The following CSMD2 variants were observed in gnomAD, a reference collection of about 807,000 sequenced individuals.
The protein encoded by CSMD2 is CUB and Sushi multiple domains 2.
CSMD2 carries 130 observed loss-of-function variants against 398.5 expected under a neutral mutation model. The ratio of observed to expected loss-of-function variants is 0.33; its 90% CI spans 0.28 to 0.38. CSMD2 has a LOEUF of 0.38. Among genes scored for constraint, CSMD2 ranks in the 10% least tolerant of loss-of-function variants. The pLI is 1.00. For missense variants in CSMD2, 3,829 were observed against 4,764.9 expected, an observed-to-expected ratio of 0.80 and a Z score of 5.78; for synonymous variants, 1,828 against 1,908.5, an observed-to-expected ratio of 0.96 and a Z score of 1.10.
At chr1:33,871,479 G>T (rs1187510177) in intron 5 of CSMD2, among the ~76,000 whole-genome samples, 1 of 152,188 alleles carries the variant, frequency 6.6e-6, no homozygotes, top group Non-Finnish European at 1.5e-5. Context: ...GTAAAGAAAA[G>T]AAATTTATTT....
intron 1 of CSMD2, among the ~76,000 whole-genome samples, chr1:34,145,893 G>A (rs189565451): frequency 6.6e-6 from 1 of 152,250 alleles, no homozygotes. Context: ...CTGGGAAAGT[G>A]GACACTGAGG....
chr1:33,572,392 T>G (rs541672805), intron 50 of CSMD2, 114 bp downstream of exon 50: 2,514 of 41,288 alleles, frequency 0.061, 6 homozygotes, highest in Non-Finnish European at 0.086. Context: ...CATGTCCATG[T>G]TTTTTTTTTT....
intron 13 of CSMD2, among the ~76,000 whole-genome samples, chr1:33,751,157 A>G (rs564990601): frequency 7.7e-4 from 117 of 152,234 alleles, no homozygotes; most frequent in African/African-American, 2.6e-3. Context: ...GAAAAAACAT[A>G]TAATATTATT....
At chr1:34,127,737 C>T (rs1288572925) in intron 1 of CSMD2, among the ~76,000 whole-genome samples, 2 of 152,096 alleles carry the variant, frequency 1.3e-5, no homozygotes, top group African/African-American at 4.8e-5. Flanking sequence ...TTCGCAGTGG[C>T]AGCAGGATTC....
At chr1:33,985,815 A>G (rs923563078) in intron 3 of CSMD2, among the ~76,000 whole-genome samples, 9 of 152,072 alleles carry the variant, frequency 5.9e-5, no homozygotes, top group African/African-American at 1.9e-4. Flanking sequence ...CCTCCAGTCT[A>G]TAGAGCGGAG....
chr1:33,663,437 A>G (rs948823864), intron 25 of CSMD2, among the ~76,000 whole-genome samples: 1 of 151,934 alleles, frequency 6.6e-6, no homozygotes, highest in African/African-American at 2.4e-5. Flanking sequence ...TTACCATTCT[A>G]GGTTGGAAGG....
chr1:33,969,241 G>A (rs1645667965), intron 3 of CSMD2, among the ~76,000 whole-genome samples: 1 of 152,150 alleles, frequency 6.6e-6, no homozygotes, highest in Admixed American at 6.5e-5. Context: ...CAGTGTGAAA[G>A]GAACAATGTA....
chr1:33,550,974 C>T (rs908398928), intron 55 of CSMD2, among the ~76,000 whole-genome samples: 2 of 152,216 alleles, frequency 1.3e-5, no homozygotes, highest in Non-Finnish European at 2.9e-5. Flanking sequence ...CACAGGATCA[C>T]AGGTTGATCC....
At chr1:33,604,566 T>C (rs1232040889) in intron 42 of CSMD2, among the ~76,000 whole-genome samples, 3 of 152,230 alleles carry the variant, frequency 2.0e-5, no homozygotes, top group South Asian at 2.1e-4. Context: ...GCTGGGGCAC[T>C]CTTTCCTGGA....
intron 3 of CSMD2, among the ~76,000 whole-genome samples, chr1:34,008,661 T>A (rs1647139831): frequency 6.6e-6 from 1 of 152,220 alleles, no homozygotes; most frequent in Non-Finnish European, 1.5e-5. Flanking sequence ...CAGCTTCTAA[T>A]AAAGTTGGAG....
chr1:33,931,005 C>G (rs1337555672), intron 4 of CSMD2, among the ~76,000 whole-genome samples: 2 of 152,234 alleles, frequency 1.3e-5, no homozygotes, highest in African/African-American at 2.4e-5. Context: ...ACACGGCTTT[C>G]CAGTCTGCTC....
intron 12 of CSMD2, among the ~76,000 whole-genome samples, chr1:33,783,422 A>G (rs1653051015): frequency 1.8e-5 from 2 of 113,446 alleles, no homozygotes; most frequent in Admixed American, 1.9e-4. Context: ...CACCATGCTC[A>G]TTCTCTCATT....
At chr1:33,984,693 G>A (rs1459626229) in intron 3 of CSMD2, among the ~76,000 whole-genome samples, 1 of 152,120 alleles carries the variant, frequency 6.6e-6, no homozygotes, top group Non-Finnish European at 1.5e-5. Context: ...TGAGGTGAGA[G>A]GATCCCTTGG....
intron 1 of CSMD2, among the ~76,000 whole-genome samples, chr1:34,148,694 C>T (rs1640010870): frequency 6.6e-6 from 1 of 152,196 alleles, no homozygotes; most frequent in African/African-American, 2.4e-5. Flanking sequence ...ACAAGCATGA[C>T]TTTGAAGTCA....
chr1:33,600,487 CAGCAGA>C (rs1640142149), intron 44 of CSMD2: 3 of 517,316 alleles, frequency 5.8e-6, no homozygotes, highest in Non-Finnish European at 1.0e-5. Context: ...CTTGAGAGGT[CAGCAGA>C]AGCCCTAGAT....
At chr1:33,554,529 A>G (rs1217776806) in intron 55 of CSMD2, among the ~76,000 whole-genome samples, 5 of 152,108 alleles carry the variant, frequency 3.3e-5, no homozygotes, top group Non-Finnish European at 7.4e-5. Flanking sequence ...TTTCATAGCT[A>G]GAGAGAAGTC....
At chr1:33,989,885 C>A (rs10914830) in intron 3 of CSMD2, among the ~76,000 whole-genome samples, 1 of 151,992 alleles carries the variant, frequency 6.6e-6, no homozygotes, top group East Asian at 1.9e-4. Flanking sequence ...CTTTTGGGGG[C>A]GATGGAGATG....
At chr1:33,960,282 T>G (rs1191516488) in intron 3 of CSMD2, among the ~76,000 whole-genome samples, 1 of 152,182 alleles carries the variant, frequency 6.6e-6, no homozygotes, top group Non-Finnish European at 1.5e-5. Flanking sequence ...TGCTGGAAAC[T>G]GTCTTTCATT....
chr1:34,149,416 G>T (rs1315314933), intron 1 of CSMD2, among the ~76,000 whole-genome samples: 2 of 152,122 alleles, frequency 1.3e-5, no homozygotes, highest in African/African-American at 4.8e-5. Flanking sequence ...AATGCCAGCT[G>T]CCCCCCACCA....
Sources: allele counts gnomAD v4.1 joint callset (sites outside exome capture counted in the v4.1 genomes callset), GRCh38; gene constraint gnomAD v4.1.1; transcripts MANE v1.5; gene names NCBI Gene and HGNC (gene_info 2026-07-23, HGNC 2026-07-21).